LARGE1: variants seen among roughly 807,000 people sequenced by gnomAD.
LARGE1 encodes the protein xylosyl- and glucuronyltransferase LARGE1.
A neutral mutation model predicts 87.6 loss-of-function variants in LARGE1; 43 were observed. That is an observed-to-expected ratio of 0.49 (90% confidence interval 0.38 to 0.63). LARGE1 has a LOEUF of 0.63. Among genes scored for constraint, LARGE1 ranks in the 30% least tolerant of loss-of-function variants. LARGE1 has a pLI of 0.00. For synonymous variants in LARGE1, 434 were observed against 394.6 expected (o/e 1.10, Z -1.18); for missense variants, 802 against 1,000.2 (o/e 0.80, Z 2.67).
chr22:33,769,847 C>T (rs1174223680), intron 1 of LARGE1, among the ~76,000 whole-genome samples: 1 of 152,208 alleles, frequency 6.6e-6, no homozygotes, highest in African/African-American at 2.4e-5. Flanking sequence ...CTGGATCCTC[C>T]TGCCACTCTC....
intron 2 of LARGE1, among the ~76,000 whole-genome samples, chr22:33,723,070 G>A (rs943412888): frequency 6.6e-6 from 1 of 152,228 alleles, no homozygotes; most frequent in Non-Finnish European, 1.5e-5. Flanking sequence ...CTTTGAGGAA[G>A]ATTCCTCTGG....
chr22:33,447,013 C>G (rs1032316312), intron 6 of LARGE1, among the ~76,000 whole-genome samples: 3 of 152,214 alleles, frequency 2.0e-5, no homozygotes, highest in African/African-American at 7.2e-5. Context: ...CCTGCCTCAG[C>G]CTCCCATGTA....
At chr22:33,795,896 G>GT (rs1178379067) in intron 1 of LARGE1, among the ~76,000 whole-genome samples, 4 of 151,440 alleles carry the variant, frequency 2.6e-5, no homozygotes, top group Non-Finnish European at 5.9e-5. Context: ...TATACCTAAT[G>GT]TAAGTGACGA....
chr22:33,696,158 T>C (rs2082239462), intron 2 of LARGE1, among the ~76,000 whole-genome samples: 1 of 152,188 alleles, frequency 6.6e-6, no homozygotes, highest in Admixed American at 6.5e-5. Flanking sequence ...TGGGCTGTTT[T>C]TGCAATAACA....
intron 11 of LARGE1, among the ~76,000 whole-genome samples, chr22:33,170,368 C>T (rs1341703968): frequency 1.3e-5 from 2 of 151,948 alleles, no homozygotes; most frequent in African/African-American, 4.8e-5. Flanking sequence ...GACTCCATCT[C>T]AAAAATAAAT....
chr22:33,292,305 A>C (rs1932732553), intron 12 of LARGE1, among the ~76,000 whole-genome samples: 1 of 152,224 alleles, frequency 6.6e-6, no homozygotes, highest in Non-Finnish European at 1.5e-5. Flanking sequence ...ACCCAATTTG[A>C]TGCCATCTTC....
chr22:33,502,196 A>T (rs1204841054), intron 6 of LARGE1, among the ~76,000 whole-genome samples: 2 of 10,380 alleles, frequency 1.9e-4, no homozygotes, highest in African/African-American at 5.7e-4. Flanking sequence ...ACCCCATCTT[A>T]AAAAAAAAAA....
In LARGE1 at chr22:33,453,778, C is replaced by T. The variant is rs142046384; in HGVS notation, c.788-21513G>A. Among the ~76,000 whole-genome samples, 976 of 152,264 alleles carry T rather than the reference C, an allele frequency of 6.4e-3. 12 individuals are homozygous for T. Among genetic ancestry groups the T allele is most frequent in the African/African-American group, 0.022 (912 of 41,562 alleles). On this transcript the variant is annotated intron_variant, in intron 6 of 14. Coordinates refer to ENST00000397394, the MANE Select transcript of LARGE1 (RefSeq NM_133642.5). ...AGTTTCTATGATGGTTTTGCTTCCA[C>T]TAGAGATCTGGGTTCTCTCATAAGA... is the stretch of plus-strand genomic sequence containing the variant.
At chr22:33,721,408 T>C (rs2083093219) in intron 2 of LARGE1, among the ~76,000 whole-genome samples, 1 of 152,232 alleles carries the variant, frequency 6.6e-6, no homozygotes, top group Non-Finnish European at 1.5e-5. Context: ...AAGTTTCTTA[T>C]GGGTGCCATG....
chr22:33,551,493 A>C (rs1395228183), intron 6 of LARGE1, among the ~76,000 whole-genome samples: 1 of 152,208 alleles, frequency 6.6e-6, no homozygotes, highest in Non-Finnish European at 1.5e-5. Flanking sequence ...TTGCTTATGG[A>C]GAGTAGGAGT....
At chr22:33,309,170 CTT>C (rs560481122) in intron 11 of LARGE1, among the ~76,000 whole-genome samples, 14 of 140,256 alleles carry the variant, frequency 1.0e-4, no homozygotes, top group Admixed American at 3.6e-4. Context: ...AGATTCGTGC[CTT>C]TTTTTTTTTT....
Position 33,807,464 on chromosome 22 carries a change from A to G in LARGE1, c.-82-45906T>C, listed in dbSNP as rs142333717. Among the ~76,000 whole-genome samples the G allele has an allele frequency of 1.9e-3, 284 of 152,212 alleles. 1 individual carries two copies. The highest frequency in any genetic ancestry group is 6.4e-3 in the African/African-American group (265 of 41,530). On this transcript the variant is annotated intron_variant, in intron 1 of 14. Transcript: ENST00000397394. ...TCCCACCTATGCACAGCTTCCCCCA[A>G]TCTCAACATACCCCATCAGAGTGGT...
intron 1 of LARGE1, among the ~76,000 whole-genome samples, chr22:33,859,167 T>C (rs2063841766): frequency 6.6e-6 from 1 of 152,156 alleles, no homozygotes; most frequent in South Asian, 2.1e-4. Context: ...TCTGCACATG[T>C]ATCCCAGAAC....
intron 10 of LARGE1, among the ~76,000 whole-genome samples, chr22:33,318,682 G>A (rs1936418730): frequency 6.6e-6 from 1 of 151,934 alleles, no homozygotes; most frequent in Non-Finnish European, 1.5e-5. Flanking sequence ...CACCAACATG[G>A]CACATGTATA....
intron 6 of LARGE1, among the ~76,000 whole-genome samples, chr22:33,522,208 C>T (rs1184400119): frequency 6.6e-6 from 1 of 152,210 alleles, no homozygotes; most frequent in Non-Finnish European, 1.5e-5. Context: ...CCCTTAGCTG[C>T]TGAGCTACTT....
At chr22:33,073,664 C>T in the LARGE1 span, among the ~76,000 whole-genome samples, 1 of 152,146 alleles carries the variant, frequency 6.6e-6, no homozygotes, top group African/African-American at 2.4e-5. Flanking sequence ...CCTGGCTTCC[C>T]ATTCACATTC....
At chr22:33,713,225 T>C (rs1056750823) in intron 2 of LARGE1, among the ~76,000 whole-genome samples, 1 of 152,126 alleles carries the variant, frequency 6.6e-6, no homozygotes, top group Non-Finnish European at 1.5e-5. Flanking sequence ...GGTTTGGCTG[T>C]TCAGATGATC....
intron 1 of LARGE1, among the ~76,000 whole-genome samples, chr22:33,846,595 A>G (rs1038289467): frequency 1.3e-5 from 2 of 152,196 alleles, no homozygotes; most frequent in African/African-American, 2.4e-5. Context: ...ACAGAGCCAT[A>G]TTTCTCTTCT....
intron 2 of LARGE1, among the ~76,000 whole-genome samples, chr22:33,651,322 G>A (rs2080804519): frequency 6.9e-6 from 1 of 145,798 alleles, no homozygotes; most frequent in Non-Finnish European, 1.5e-5. Context: ...AACCCGGGAG[G>A]CGGAGCTTGC....
Sources: allele counts gnomAD v4.1 joint callset (sites outside exome capture counted in the v4.1 genomes callset), GRCh38; gene constraint gnomAD v4.1.1; transcripts MANE v1.5; gene names NCBI Gene and HGNC (gene_info 2026-07-23, HGNC 2026-07-21).